The following GRIN2A variants were observed in gnomAD, a reference collection of about 807,000 sequenced individuals.
The protein encoded by GRIN2A is glutamate receptor ionotropic, NMDA 2A.
In GRIN2A, 22 loss-of-function variants were observed where a neutral mutation model predicts 113.4. The ratio of observed to expected loss-of-function variants is 0.19; its 90% confidence interval spans 0.14 to 0.28. GRIN2A has a LOEUF of 0.28. GRIN2A is among the 10% of genes least tolerant of loss of function. The probability of loss-of-function intolerance (pLI) is 1.00; values close to 1 mark genes in which losing one functional copy is unlikely to be tolerated. For synonymous variants in GRIN2A, 827 were observed against 738.4 expected (o/e 1.12, Z -1.94); for missense variants, 1,502 against 1,887.0 (o/e 0.80, Z 3.78).
intron 2 of GRIN2A, among the ~76,000 whole-genome samples, chr16:9,990,336 C>A (rs1006843875): frequency 3.3e-5 from 5 of 151,876 alleles, no homozygotes; most frequent in African/African-American, 1.2e-4. Flanking sequence ...AAATTGGGTG[C>A]TCATGGACAT....
chr16:10,094,057 C>T (rs997415282), intron 2 of GRIN2A, among the ~76,000 whole-genome samples: 1 of 152,166 alleles, frequency 6.6e-6, no homozygotes, highest in Non-Finnish European at 1.5e-5. Context: ...AGCATCAGAA[C>T]CTGGCTGTCA....
intron 10 of GRIN2A, among the ~76,000 whole-genome samples, chr16:9,801,841 G>T (rs1903381819): frequency 6.6e-6 from 1 of 152,098 alleles, no homozygotes; most frequent in Non-Finnish European, 1.5e-5. Context: ...GTCATCTTAG[G>T]GCCATGTCAG....
At chr16:10,120,626 G>A (rs1336353980) in intron 2 of GRIN2A, among the ~76,000 whole-genome samples, 1 of 152,090 alleles carries the variant, frequency 6.6e-6, no homozygotes. Context: ...GGCAAGGAGT[G>A]GGTAAGCAGA....
At chr16:9,849,604 C>CT in intron 5 of GRIN2A, 152 bp downstream of exon 5, 2 of 712,322 alleles carry the variant, frequency 2.8e-6, no homozygotes, top group East Asian at 5.4e-5. Flanking sequence ...TTATCTAAGT[C>CT]TTTTTTAAAT....
At chr16:9,880,629 C>T (rs923559743) in intron 4 of GRIN2A, among the ~76,000 whole-genome samples, 6 of 152,172 alleles carry the variant, frequency 3.9e-5, no homozygotes, top group African/African-American at 1.4e-4. Context: ...CACTGGAGAC[C>T]ATTCTAAGAA....
intron 2 of GRIN2A, among the ~76,000 whole-genome samples, chr16:10,053,309 C>T (rs1210547826): frequency 6.6e-6 from 1 of 152,198 alleles, no homozygotes; most frequent in Non-Finnish European, 1.5e-5. Context: ...AAATGTCAGG[C>T]TAAAAGGAAG....
rs1480537862 is a variant in GRIN2A, at chr16:10,180,123, C to T, written c.289G>A (p.Gly97Ser). 4 of 1,614,210 alleles carry T rather than the reference C, an allele frequency of 2.5e-6. No individual in the cohort carries two copies. The highest frequency in any genetic ancestry group is 1.7e-5 in the Admixed American group (1 of 60,028). ...TCCGTGTCGTCCCCAAACACGAGGC[C>T]GTGGATGCGTGCCCCGGACATGAGG... ...CDLMSGARIH[G>S]LVFGDDTDQE... is the part of the protein sequence containing the mutation. Residue 97 changes from glycine (G) to serine (S), a missense_variant, in exon 2 of 13, where the codon GGC becomes AGC. Around this residue, in one of 7 missense-constraint regions of GRIN2A, gnomAD observed 149 missense variants for 179.1 expected, o/e 0.83. Coordinates refer to ENST00000330684, the MANE Select transcript of GRIN2A (RefSeq NM_001134407.3). The surrounding 1 kb of genome is among the most constrained non-coding windows in gnomAD (Gnocchi z 7.0).
At chr16:9,956,620 C>A (rs1276875216) in intron 2 of GRIN2A, among the ~76,000 whole-genome samples, 3 of 152,156 alleles carry the variant, frequency 2.0e-5, no homozygotes, top group Non-Finnish European at 2.9e-5. Context: ...ATGAAACCTG[C>A]GCTCAAAGAG....
intron 2 of GRIN2A, among the ~76,000 whole-genome samples, chr16:10,009,189 C>T (rs1387292684): frequency 6.6e-6 from 1 of 152,140 alleles, no homozygotes; most frequent in Non-Finnish European, 1.5e-5. Context: ...AAATGATGTA[C>T]AAGAAACAGC....
intron 11 of GRIN2A, among the ~76,000 whole-genome samples, chr16:9,778,299 A>G (rs1018394207): frequency 2.0e-5 from 3 of 152,196 alleles, no homozygotes; most frequent in African/African-American, 7.2e-5. Flanking sequence ...ATTATATACC[A>G]AGCACTTCTG....
chr16:9,936,973 A>C (rs1447807166), intron 3 of GRIN2A, among the ~76,000 whole-genome samples: 1 of 152,204 alleles, frequency 6.6e-6, no homozygotes, highest in African/African-American at 2.4e-5. Context: ...ATTAGGACCC[A>C]AAAATCCTAT....
At chr16:10,041,628 G>A (rs541196798) in intron 2 of GRIN2A, among the ~76,000 whole-genome samples, 4 of 152,164 alleles carry the variant, frequency 2.6e-5, no homozygotes, top group African/African-American at 4.8e-5. Context: ...TAAAATGGGA[G>A]TAATATTGCC....
chr16:10,058,367 T>C (rs1010798897), intron 2 of GRIN2A, among the ~76,000 whole-genome samples: 2 of 152,190 alleles, frequency 1.3e-5, no homozygotes, highest in Non-Finnish European at 2.9e-5. Flanking sequence ...AATACAGTCA[T>C]AATGATGTTT....
At chr16:9,829,091 C>T (rs1388803024) in intron 9 of GRIN2A, among the ~76,000 whole-genome samples, 1 of 152,132 alleles carries the variant, frequency 6.6e-6, no homozygotes, top group Non-Finnish European at 1.5e-5. Context: ...TAACATCACA[C>T]ATTCGAAAGG....
intron 2 of GRIN2A, among the ~76,000 whole-genome samples, chr16:9,951,279 C>G (rs1397415869): frequency 6.6e-6 from 1 of 152,216 alleles, no homozygotes; most frequent in Non-Finnish European, 1.5e-5. Flanking sequence ...AATCACTCCC[C>G]CCACTGAAGC....
In GRIN2A at chr16:9,951,862, T is replaced by A. The variant is rs114898763; in HGVS notation, c.415-13311A>T. Among the ~76,000 whole-genome samples the A allele has an allele frequency of 9.7e-3, 1,475 of 152,248 alleles. 36 individuals are homozygous for A. The highest frequency in any genetic ancestry group is 0.034 in the African/African-American group (1,398 of 41,542). On this transcript the variant is annotated intron_variant, in intron 2 of 12. Coordinates refer to ENST00000330684, the MANE Select transcript of GRIN2A (RefSeq NM_001134407.3). Reference sequence around the variant, plus strand: ...AGCTGGTTGCAGGCGAGAGCCCAAGTCAGCCCATGTGTTCTTCAACCTCAG... The same window carrying A: ...AGCTGGTTGCAGGCGAGAGCCCAAGACAGCCCATGTGTTCTTCAACCTCAG...
At chr16:9,994,270 A>C (rs2046180899) in intron 2 of GRIN2A, among the ~76,000 whole-genome samples, 1 of 152,156 alleles carries the variant, frequency 6.6e-6, no homozygotes, top group South Asian at 2.1e-4. Flanking sequence ...GTTCCTGGAT[A>C]GTTTCTTTCA....
rs372603099 is a variant in GRIN2A, at chr16:10,092,896, T to C, written c.414+87102A>G. On this transcript the variant is annotated intron_variant, in intron 2 of 12. Transcript: ENST00000330684. ...TTTTTTTTAACAGGCTGGAGTGCAA[T>C]GCCACAATCTTGGCTCACTGCAGCC... Among the ~76,000 whole-genome samples, 274 of 148,200 alleles carry C rather than the reference T, an allele frequency of 1.8e-3. 3 individuals carry two copies. Among genetic ancestry groups the C allele is most frequent in the African/African-American group, 6.6e-3 (261 of 39,598 alleles).
At chr16:9,880,775 T>G (rs1052476302) in intron 4 of GRIN2A, among the ~76,000 whole-genome samples, 5 of 152,208 alleles carry the variant, frequency 3.3e-5, no homozygotes, top group Non-Finnish European at 7.3e-5. Flanking sequence ...AATCCAAATC[T>G]TGCTTATTCT....
Sources: gnomAD v4.1 joint callset for allele counts (sites outside exome capture counted in the v4.1 genomes callset) on GRCh38, gnomAD v4.1.1 for gene constraint, gnomAD v4.1.1 regional missense constraint, Gnocchi (gnomAD v3.1) non-coding constraint, MANE v1.5 for transcripts, NCBI Gene and HGNC (gene_info 2026-07-23, HGNC 2026-07-21) for gene names.